The following PLXDC2 variants were observed in gnomAD, a reference collection of about 807,000 sequenced individuals.
PLXDC2 encodes the protein plexin domain-containing protein 2.
In PLXDC2, 40 loss-of-function variants were observed where a neutral mutation model predicts 68.9. That is an observed-to-expected ratio of 0.58 (90% CI 0.45 to 0.76). The LOEUF (loss-of-function observed/expected upper bound fraction) is 0.76, where lower values mean the gene tolerates loss of function less well. PLXDC2 is among the 30% of genes least tolerant of loss of function. The pLI is 0.00. For missense variants in PLXDC2, 644 were observed against 661.9 expected, an observed-to-expected ratio of 0.97 and a Z score of 0.30; for synonymous variants, 243 against 234.2, an observed-to-expected ratio of 1.04 and a Z score of -0.34.
chr10:20,115,267 T>C lies in PLXDC2; in HGVS notation c.542-28028T>C, dbSNP rs146261857. On this transcript the variant is annotated intron_variant, in intron 4 of 13. Coordinates refer to ENST00000377252, the MANE Select transcript of PLXDC2 (RefSeq NM_032812.9). ...ATAGCAAAGGCCACTTGAGAGGTAT[T>C]TGCAACCTTGACTCATGTCAGCTTG... 1.9e-3 allele frequency among the ~76,000 whole-genome samples: 293 copies of C among 152,262 alleles called. 2 individuals carry two copies. The highest frequency in any genetic ancestry group is 6.2e-3 in the African/African-American group (259 of 41,554).
intron 9 of PLXDC2, among the ~76,000 whole-genome samples, chr10:20,181,226 T>G (rs1173272556): frequency 6.6e-6 from 1 of 152,044 alleles, no homozygotes; most frequent in Non-Finnish European, 1.5e-5. Flanking sequence ...GTTTGATTAG[T>G]TTTTAAATGA....
intron 9 of PLXDC2, among the ~76,000 whole-genome samples, chr10:20,180,491 G>T (rs936816807): frequency 2.0e-5 from 3 of 151,960 alleles, no homozygotes; most frequent in Non-Finnish European, 4.4e-5. Context: ...AGACTTTAGA[G>T]CTTTTATGAA....
In PLXDC2 at chr10:19,826,526, G is replaced by A. The variant is rs1043581471; in HGVS notation, c.112+9335G>A. Among the ~76,000 whole-genome samples the A allele has an allele frequency of 1.3e-5, 2 of 152,152 alleles. 1 individual carries two copies. The highest frequency in any genetic ancestry group is 4.1e-4 in the South Asian group (2 of 4,832). On this transcript the variant is annotated intron_variant, in intron 1 of 13. Coordinates refer to ENST00000377252, the MANE Select transcript of PLXDC2 (RefSeq NM_032812.9). ...ATACTTTGAAAACTGTGGATGCCCT[G>A]TGAAAATCAAGTTGACTTGTGAGGT...
intron 9 of PLXDC2, among the ~76,000 whole-genome samples, chr10:20,204,575 C>T (rs915177518): frequency 4.6e-5 from 7 of 152,096 alleles, no homozygotes; most frequent in African/African-American, 4.8e-5. Flanking sequence ...ATATAAATCA[C>T]CAGATAATTC....
chr10:19,958,354 A>G (rs962299170), intron 1 of PLXDC2, among the ~76,000 whole-genome samples: 12 of 152,124 alleles, frequency 7.9e-5, no homozygotes, highest in Non-Finnish European at 1.6e-4. Context: ...TTCTGAACTG[A>G]GAGAAATTTC....
chr10:20,130,380 T>G (rs1447235123), intron 4 of PLXDC2, among the ~76,000 whole-genome samples: 1 of 152,168 alleles, frequency 6.6e-6, no homozygotes, highest in East Asian at 1.9e-4. Flanking sequence ...TGAATTTGTT[T>G]ATTAATGCCA....
intron 1 of PLXDC2, among the ~76,000 whole-genome samples, chr10:19,946,655 A>T (rs1833907138): frequency 6.6e-6 from 1 of 151,650 alleles, no homozygotes; most frequent in Non-Finnish European, 1.5e-5. Context: ...CGAGGGAGGG[A>T]TGGTTTGGGG....
chr10:19,829,731 A>C (rs1564602096), intron 1 of PLXDC2, among the ~76,000 whole-genome samples: 2 of 152,164 alleles, frequency 1.3e-5, no homozygotes, highest in African/African-American at 4.8e-5. Context: ...CCATATCAAA[A>C]GTAAAAATTT....
At chr10:20,154,671 G>C (rs1455492674) in intron 6 of PLXDC2, among the ~76,000 whole-genome samples, 2 of 152,010 alleles carry the variant, frequency 1.3e-5, no homozygotes. Flanking sequence ...AGAAGTTGCA[G>C]TTTCTTTGAC....
At chr10:19,995,436 A>C (rs1386445235) in intron 1 of PLXDC2, among the ~76,000 whole-genome samples, 2 of 151,972 alleles carry the variant, frequency 1.3e-5, no homozygotes, top group African/African-American at 4.8e-5. Flanking sequence ...TTCATTAAAA[A>C]CTCAGTCCCC....
At chr10:20,044,283 T>G (rs866505282) in intron 2 of PLXDC2, among the ~76,000 whole-genome samples, 17 of 129,280 alleles carry the variant, frequency 1.3e-4, no homozygotes, top group Non-Finnish European at 1.7e-4. Context: ...CTTTCTTTCT[T>G]TCTTTCTTTC....
chr10:19,950,365 A>G (rs770793199), intron 1 of PLXDC2, among the ~76,000 whole-genome samples: 9 of 152,198 alleles, frequency 5.9e-5, no homozygotes, highest in Non-Finnish European at 1.2e-4. Flanking sequence ...CTATACACCA[A>G]TGTGTTCAAG....
chr10:20,201,935 G>A (rs771363621), intron 9 of PLXDC2, among the ~76,000 whole-genome samples: 1 of 152,164 alleles, frequency 6.6e-6, no homozygotes, highest in African/African-American at 2.4e-5. Flanking sequence ...AACCATCTTA[G>A]CACTGGGATA....
At chr10:19,902,436 G>A (rs931820036) in intron 1 of PLXDC2, among the ~76,000 whole-genome samples, 1 of 151,902 alleles carries the variant, frequency 6.6e-6, no homozygotes, top group Non-Finnish European at 1.5e-5. Flanking sequence ...TTATTTTATT[G>A]CAGCTATTGT....
At chr10:19,851,826 G>T (rs1340793182) in intron 1 of PLXDC2, among the ~76,000 whole-genome samples, 1 of 152,162 alleles carries the variant, frequency 6.6e-6, no homozygotes, top group African/African-American at 2.4e-5. Flanking sequence ...GGGATTACAG[G>T]CATGAGCCAC....
intron 1 of PLXDC2, among the ~76,000 whole-genome samples, chr10:19,906,934 G>A (rs930292753): frequency 6.6e-6 from 1 of 152,154 alleles, no homozygotes; most frequent in African/African-American, 2.4e-5. Flanking sequence ...AGACTGCACA[G>A]TCATGTGTGA....
intron 4 of PLXDC2, among the ~76,000 whole-genome samples, chr10:20,106,647 G>C (rs1420631112): frequency 1.3e-5 from 2 of 152,056 alleles, no homozygotes; most frequent in African/African-American, 2.4e-5. Context: ...TATCATCTCA[G>C]AGCTGTTCAT....
intron 4 of PLXDC2, among the ~76,000 whole-genome samples, chr10:20,092,444 T>C (rs1457637632): frequency 6.6e-6 from 1 of 152,162 alleles, no homozygotes; most frequent in Non-Finnish European, 1.5e-5. Context: ...AGTGCTCAGT[T>C]AATATTGGTT....
At chr10:20,072,049 T>G (rs140511333) in intron 4 of PLXDC2, among the ~76,000 whole-genome samples, 402 of 152,114 alleles carry the variant, frequency 2.6e-3, no homozygotes, top group Non-Finnish European at 5.1e-3. Flanking sequence ...TGGAGTACTT[T>G]GAACGTTAGA....
Sources: allele counts gnomAD v4.1 joint callset (sites outside exome capture counted in the v4.1 genomes callset), GRCh38; gene constraint gnomAD v4.1.1; transcripts MANE v1.5; gene names NCBI Gene and HGNC (gene_info 2026-07-23, HGNC 2026-07-21).